Variants in RGS6 observed in about 807,000 individuals in gnomAD.
RGS6 encodes regulator of G protein signaling 6.
A neutral mutation model predicts 78.5 loss-of-function variants in RGS6; 30 were observed. That is an observed-to-expected ratio of 0.38 (90% CI 0.29 to 0.52). The LOEUF is 0.52. Ranked by LOEUF, RGS6 falls within the 20% of genes least tolerant of loss-of-function variation. The pLI is 0.85. For synonymous variants in RGS6, 206 were observed against 206.0 expected, an observed-to-expected ratio of 1.00 and a Z score of 0.00; for missense variants, 495 against 609.7, an observed-to-expected ratio of 0.81 and a Z score of 1.98.
chr14:72,179,364 G>C (rs1043834173), intron 2 of RGS6, among the ~76,000 whole-genome samples: 13 of 152,250 alleles, frequency 8.5e-5, no homozygotes, highest in Middle Eastern at 3.4e-3. Context: ...ACAATTTCTA[G>C]CCGGTCTCCC....
chr14:72,393,583 T>C (rs1344287736), intron 3 of RGS6, among the ~76,000 whole-genome samples: 2 of 152,186 alleles, frequency 1.3e-5, no homozygotes, highest in African/African-American at 2.4e-5. Context: ...CTTAAACTTA[T>C]CACCTTCCAC....
chr14:72,012,214 T>G (rs1487446692), intron 2 of RGS6, among the ~76,000 whole-genome samples: 2 of 152,172 alleles, frequency 1.3e-5, no homozygotes, highest in Non-Finnish European at 1.5e-5. Flanking sequence ...TAAAAAAAAT[T>G]TAGACAAGCA....
At chr14:72,156,320 C>T (rs1598509040) in intron 2 of RGS6, among the ~76,000 whole-genome samples, 2 of 152,134 alleles carry the variant, frequency 1.3e-5, no homozygotes, top group Admixed American at 1.3e-4. Flanking sequence ...GTGGCACGGG[C>T]CTGTAATCCC....
chr14:72,499,439 A>G (rs1034200909), intron 13 of RGS6, among the ~76,000 whole-genome samples: 2 of 151,974 alleles, frequency 1.3e-5, no homozygotes, highest in African/African-American at 2.4e-5. Context: ...TCCACTTCCA[A>G]TCCTGCTGCT....
chr14:72,608,657 A>T, the RGS6 span, among the ~76,000 whole-genome samples: 2 of 152,120 alleles, frequency 1.3e-5, no homozygotes, highest in African/African-American at 4.8e-5. Flanking sequence ...CCAGAAAAGG[A>T]GCTGCTCTAC....
chr14:72,145,022 G>A (rs1001725700), intron 2 of RGS6, among the ~76,000 whole-genome samples: 1 of 152,102 alleles, frequency 6.6e-6, no homozygotes. Flanking sequence ...AGGGGTCGAA[G>A]TGAGTTTTTC....
intron 2 of RGS6, among the ~76,000 whole-genome samples, chr14:72,215,997 G>A (rs1384443204): frequency 6.6e-6 from 1 of 152,112 alleles, no homozygotes; most frequent in African/African-American, 2.4e-5. Flanking sequence ...TCGTCTGAAG[G>A]TTTCCTGAGG....
chr14:72,259,374 C>T (rs1276920053), intron 2 of RGS6, among the ~76,000 whole-genome samples: 1 of 152,036 alleles, frequency 6.6e-6, no homozygotes, highest in African/African-American at 2.4e-5. Context: ...TTCCCTACTG[C>T]CTTACTTACT....
the RGS6 span, among the ~76,000 whole-genome samples, chr14:72,579,917 T>C: frequency 6.6e-6 from 1 of 152,262 alleles, no homozygotes; most frequent in South Asian, 2.1e-4. Flanking sequence ...GGGGCACGAA[T>C]TGAATCATAG....
intron 3 of RGS6, among the ~76,000 whole-genome samples, chr14:72,447,563 C>G (rs986136271): frequency 6.6e-6 from 1 of 152,208 alleles, no homozygotes; most frequent in Non-Finnish European, 1.5e-5. Context: ...GGGTTAGACA[C>G]TTGGCTGGTA....
chr14:71,871,106 C>T, the RGS6 span, among the ~76,000 whole-genome samples: 6 of 152,178 alleles, frequency 3.9e-5, no homozygotes, highest in African/African-American at 9.7e-5. Context: ...GAGCTTCTGG[C>T]GCTGAGACCC....
intron 2 of RGS6, among the ~76,000 whole-genome samples, chr14:72,182,819 C>T (rs1021289951): frequency 6.6e-6 from 1 of 152,128 alleles, no homozygotes; most frequent in Non-Finnish European, 1.5e-5. Flanking sequence ...TTTGAATGGG[C>T]ACGATTTAGC....
At chr14:72,041,213 T>C (rs1009772827) in intron 2 of RGS6, among the ~76,000 whole-genome samples, 1 of 152,236 alleles carries the variant, frequency 6.6e-6, no homozygotes, top group African/African-American at 2.4e-5. Context: ...CCAGTCTTAA[T>C]GGACTGGCTT....
chr14:72,533,783 A>T (rs948775960), intron 15 of RGS6, among the ~76,000 whole-genome samples: 2 of 152,256 alleles, frequency 1.3e-5, no homozygotes, highest in Admixed American at 6.5e-5. Context: ...GAGCTTGAAG[A>T]TGTGACTGAA....
At chr14:71,973,409 A>G (rs1055850016) in intron 2 of RGS6, among the ~76,000 whole-genome samples, 1 of 150,974 alleles carries the variant, frequency 6.6e-6, no homozygotes, top group African/African-American at 2.4e-5. Context: ...TCCTGGCCAC[A>G]TGCAGTGGCT....
At chr14:72,298,050 T>C (rs2065230809) in intron 2 of RGS6, among the ~76,000 whole-genome samples, 1 of 152,174 alleles carries the variant, frequency 6.6e-6, no homozygotes, top group African/African-American at 2.4e-5. Context: ...TACTGGTCAT[T>C]TCCTGTTCTG....
chr14:71,907,565 T>G, the RGS6 span, among the ~76,000 whole-genome samples: 8 of 151,988 alleles, frequency 5.3e-5, no homozygotes, highest in East Asian at 1.4e-3. Flanking sequence ...TAGACCATGT[T>G]AAGGATTTTA....
In RGS6 at chr14:72,469,971, A is replaced by AT. The variant is rs752017318; in HGVS notation, c.460-34dup. 8.0e-6 allele frequency: 12 copies of AT among 1,508,652 alleles called. No individual in the cohort carries two copies. In the Admixed American group the frequency reaches 2.0e-4, roughly 25 times the overall value. 93.5% of individuals were successfully genotyped at this position (1,508,652 alleles called of 1,614,324 possible). On this transcript the variant is annotated intron_variant, in intron 7 of 17. Transcript: ENST00000553525. ...GGTGTCGATGTGCTAATTTACGATG[A>AT]TTAATGCCGCCTTGTTGATTTTCAT...
At chr14:71,992,809 T>C (rs2095022474) in intron 2 of RGS6, among the ~76,000 whole-genome samples, 2 of 152,238 alleles carry the variant, frequency 1.3e-5, no homozygotes, top group Admixed American at 1.3e-4. Flanking sequence ...TACACCCTTG[T>C]CTATAACAAG....
Sources: allele counts gnomAD v4.1 joint callset (sites outside exome capture counted in the v4.1 genomes callset), GRCh38; gene constraint gnomAD v4.1.1; transcripts MANE v1.5; gene names NCBI Gene and HGNC (gene_info 2026-07-23, HGNC 2026-07-21).